The following TBC1D22A variants were observed in gnomAD, a reference collection of about 807,000 sequenced individuals.
The protein encoded by TBC1D22A is TBC1 domain family member 22A, also known as putative GTPase activator.
In TBC1D22A, 38 loss-of-function variants were observed where a neutral mutation model predicts 60.2. That is an observed-to-expected ratio of 0.63 (90% CI 0.49 to 0.83). TBC1D22A has a LOEUF of 0.83. Among genes scored for constraint, TBC1D22A ranks in the 40% least tolerant of loss-of-function variants. The probability of loss-of-function intolerance (pLI) is 0.00; values close to 1 mark genes in which losing one functional copy is unlikely to be tolerated. For synonymous variants in TBC1D22A, 302 were observed against 281.7 expected, an observed-to-expected ratio of 1.07 and a Z score of -0.72; for missense variants, 628 against 701.0, an observed-to-expected ratio of 0.90 and a Z score of 1.18.
At chr22:46,896,331 T>C (rs1378254295) in intron 7 of TBC1D22A, among the ~76,000 whole-genome samples, 2 of 152,254 alleles carry the variant, frequency 1.3e-5, no homozygotes, top group Non-Finnish European at 2.9e-5. Flanking sequence ...TTTTTCTTGG[T>C]GGATCTTGAT....
intron 3 of TBC1D22A, among the ~76,000 whole-genome samples, chr22:46,795,072 A>G (rs1569044241): frequency 6.6e-6 from 1 of 152,216 alleles, no homozygotes; most frequent in Non-Finnish European, 1.5e-5. Context: ...GCGTGATTTC[A>G]TTTGATCAGT....
intron 4 of TBC1D22A, among the ~76,000 whole-genome samples, chr22:46,800,711 C>T (rs2084861140): frequency 6.6e-6 from 1 of 152,244 alleles, no homozygotes; most frequent in African/African-American, 2.4e-5. Flanking sequence ...ACATACTAAA[C>T]ACTCAAAAAT....
intron 8 of TBC1D22A, among the ~76,000 whole-genome samples, chr22:46,931,970 A>G (rs2071376288): frequency 6.6e-6 from 1 of 152,224 alleles, no homozygotes; most frequent in African/African-American, 2.4e-5. Context: ...TTTCCAATTC[A>G]GTGTCACAAC....
chr22:46,934,439 G>C (rs1051299847), intron 8 of TBC1D22A, among the ~76,000 whole-genome samples: 36 of 152,188 alleles, frequency 2.4e-4, no homozygotes, highest in African/African-American at 8.7e-4. Flanking sequence ...TATCTTGGAG[G>C]GTTGTTAGGA....
intron 7 of TBC1D22A, among the ~76,000 whole-genome samples, chr22:46,904,561 C>T (rs1348801856): frequency 7.2e-5 from 11 of 151,796 alleles, no homozygotes; most frequent in South Asian, 2.1e-4. Context: ...CTCTGCCTCC[C>T]GGGTTCAAGC....
chr22:46,861,698 C>T (rs1040436541), intron 4 of TBC1D22A, among the ~76,000 whole-genome samples: 2 of 152,230 alleles, frequency 1.3e-5, no homozygotes, highest in Admixed American at 1.3e-4. Flanking sequence ...TCATGTCCCC[C>T]CGCTCAGAAC....
Position 46,796,111 on chromosome 22 carries a change from G to A in TBC1D22A, c.461-1333G>A, listed in dbSNP as rs138250848. ...CTACAAAATAGGAATCACTGCAAGG[G>A]CACTGAGGCTGGTGGGAGGAGATCC... On this transcript the variant is annotated intron_variant, in intron 3 of 12. Coordinates refer to ENST00000337137, the MANE Select transcript of TBC1D22A (RefSeq NM_014346.5). Among the ~76,000 whole-genome samples the A allele has an allele frequency of 1.4e-4, 21 of 152,270 alleles. 1 individual carries two copies. In the East Asian group the frequency reaches 1.9e-3, roughly 14 times the overall value.
chr22:46,994,082 T>C (rs1243426934), intron 9 of TBC1D22A, among the ~76,000 whole-genome samples: 1 of 152,242 alleles, frequency 6.6e-6, no homozygotes, highest in East Asian at 1.9e-4. Context: ...TCTTTCAAAA[T>C]GCAGACCTTT....
At chr22:46,828,760 T>C (rs1278566495) in intron 4 of TBC1D22A, among the ~76,000 whole-genome samples, 1 of 152,174 alleles carries the variant, frequency 6.6e-6, no homozygotes, top group Non-Finnish European at 1.5e-5. Flanking sequence ...TGGACTGTTC[T>C]CTGCCACCCA....
chr22:47,111,538 T>C lies in TBC1D22A; in HGVS notation c.1360T>C (p.Leu454=), dbSNP rs142816047. 98 of 1,613,994 alleles carry C rather than the reference T, an allele frequency of 6.1e-5. No individual in the cohort carries two copies. The African/African-American group carries it at 1.0e-3, about 17-fold the overall frequency. ...SEPDGFSHFH[L]YVCAAFLVRW... ...ACCGGACGGCTTTTCTCATTTCCAC[T>C]TGTACGTGTGCGCTGCTTTTCTCGT... The change falls in exon 12 of 13, where the codon TTG becomes CTG. Residue 454 remains leucine (L), a synonymous_variant. Transcript: ENST00000337137.
chr22:46,767,939 G>A (rs1011369281), intron 1 of TBC1D22A: 1 of 152,838 alleles, frequency 6.5e-6, no homozygotes, highest in Admixed American at 6.5e-5. Context: ...GACATGGACT[G>A]TTCTTTGATT....
chr22:46,889,630 G>A (rs1018992868), intron 5 of TBC1D22A, among the ~76,000 whole-genome samples: 3 of 152,180 alleles, frequency 2.0e-5, no homozygotes, highest in African/African-American at 7.2e-5. Flanking sequence ...TAACAAACTG[G>A]TGGATCCGTT....
intron 7 of TBC1D22A, among the ~76,000 whole-genome samples, chr22:46,899,438 C>G (rs2068860036): frequency 6.8e-6 from 1 of 147,600 alleles, no homozygotes. Context: ...CAGAGCAATA[C>G]TTCGTCTCAA....
At chr22:46,783,084 C>T (rs919050438) in intron 1 of TBC1D22A, among the ~76,000 whole-genome samples, 2 of 152,172 alleles carry the variant, frequency 1.3e-5, no homozygotes, top group Non-Finnish European at 2.9e-5. Flanking sequence ...TGTGTGAGGT[C>T]CCGGTCTCTC....
chr22:46,996,385 G>T (rs2075122801), intron 9 of TBC1D22A, among the ~76,000 whole-genome samples: 1 of 152,250 alleles, frequency 6.6e-6, no homozygotes, highest in African/African-American at 2.4e-5. Context: ...GCTCACTAAA[G>T]AGTTGGAAGC....
chr22:46,871,498 C>G (rs2067292790), intron 4 of TBC1D22A, among the ~76,000 whole-genome samples: 1 of 152,152 alleles, frequency 6.6e-6, no homozygotes, highest in Admixed American at 6.5e-5. Flanking sequence ...GGTTGAAATA[C>G]CACCAAATTC....
chr22:47,078,463 C>T (rs919297696), intron 11 of TBC1D22A, among the ~76,000 whole-genome samples: 14 of 152,208 alleles, frequency 9.2e-5, no homozygotes, highest in Admixed American at 2.6e-4. Flanking sequence ...CCATGCCCCC[C>T]GCTCCCTTAC....
chr22:46,973,737 G>GT (rs565779742), intron 8 of TBC1D22A, among the ~76,000 whole-genome samples: 165 of 152,232 alleles, frequency 1.1e-3, no homozygotes, highest in Non-Finnish European at 1.8e-3. Flanking sequence ...TTCTCATTCG[G>GT]TTTTTTGTAC....
At chr22:47,043,968 G>A (rs868277136) in intron 11 of TBC1D22A, among the ~76,000 whole-genome samples, 1 of 151,934 alleles carries the variant, frequency 6.6e-6, no homozygotes, top group Admixed American at 6.6e-5. Flanking sequence ...CTGTCTGAGC[G>A]GGGCAGGTGC....
Sources: gnomAD v4.1 joint callset for allele counts (sites outside exome capture counted in the v4.1 genomes callset) on GRCh38, gnomAD v4.1.1 for gene constraint, MANE v1.5 for transcripts, NCBI Gene and HGNC (gene_info 2026-07-23, HGNC 2026-07-21) for gene names.